THSD7B: variants seen among roughly 807,000 people sequenced by gnomAD.
The protein encoded by THSD7B is thrombospondin type-1 domain-containing protein 7B.
Under a neutral mutation model 213.6 loss-of-function variants are expected in THSD7B, and 138 were observed. The ratio of observed to expected loss-of-function variants is 0.65; its 90% CI spans 0.56 to 0.74. The LOEUF (loss-of-function observed/expected upper bound fraction) is 0.74, where lower values mean the gene tolerates loss of function less well. THSD7B is among the 30% of genes least tolerant of loss of function. The pLI, the probability that THSD7B is intolerant of heterozygous loss-of-function variation, is 0.00. For synonymous variants in THSD7B, 742 were observed against 687.0 expected (o/e 1.08, Z -1.25); for missense variants, 1,931 against 1,991.5 (o/e 0.97, Z 0.58).
rs962930369 is a variant in THSD7B, at chr2:137,035,176, C to T, written c.140-21244C>T. On this transcript the variant is annotated intron_variant, in intron 2 of 27. Coordinates refer to ENST00000409968, the MANE Select transcript of THSD7B (RefSeq NM_001316349.2). ...TTCCCTTTTTTTGGAAGTTGTGTGT[C>T]TCTTATCATTAGGCCATCTTTGTTA... Among the ~76,000 whole-genome samples, 9 of 152,260 alleles carry T rather than the reference C, an allele frequency of 5.9e-5. No individual in the cohort carries two copies. In the East Asian group the frequency reaches 1.7e-3, roughly 29 times the overall value.
At chr2:136,951,184 T>A (rs1172293639) in intron 2 of THSD7B, among the ~76,000 whole-genome samples, 3 of 152,124 alleles carry the variant, frequency 2.0e-5, no homozygotes, top group Non-Finnish European at 4.4e-5. Context: ...TACCTTGGGA[T>A]GAAGCATGCA....
intron 15 of THSD7B, among the ~76,000 whole-genome samples, chr2:137,514,817 TGTTTGGTG>T (rs1680036297): frequency 6.6e-6 from 1 of 152,170 alleles, no homozygotes; most frequent in Non-Finnish European, 1.5e-5. Flanking sequence ...AGAGTCAAGG[TGTTTGGTG>T]ACTCTAAACA....
intron 20 of THSD7B, among the ~76,000 whole-genome samples, chr2:137,633,147 A>G (rs528415394): frequency 3.3e-4 from 50 of 152,320 alleles, no homozygotes; most frequent in African/African-American, 1.2e-3. Flanking sequence ...ATTTAAAATA[A>G]ATTTTGCACT....
intron 4 of THSD7B, among the ~76,000 whole-genome samples, chr2:137,099,197 G>A (rs1205261264): frequency 6.6e-6 from 1 of 152,068 alleles, no homozygotes; most frequent in Non-Finnish European, 1.5e-5. Context: ...CTGTCACTGG[G>A]CATCATGATC....
intron 24 of THSD7B, among the ~76,000 whole-genome samples, chr2:137,657,864 G>A (rs777101158): frequency 1.3e-5 from 2 of 152,082 alleles, no homozygotes; most frequent in Admixed American, 6.5e-5. Context: ...GCAGGCACAC[G>A]CCACCACGCC....
intron 2 of THSD7B, among the ~76,000 whole-genome samples, chr2:136,904,517 G>T (rs1684122364): frequency 6.6e-6 from 1 of 152,192 alleles, no homozygotes. Flanking sequence ...TCTGTTATGG[G>T]CTAAGCGTCT....
intron 2 of THSD7B, among the ~76,000 whole-genome samples, chr2:136,976,461 A>T (rs1027516829): frequency 2.6e-5 from 4 of 152,022 alleles, no homozygotes; most frequent in Admixed American, 2.6e-4. Flanking sequence ...TGTTTATGTG[A>T]TGAGTTACAT....
chr2:137,434,409 T>C (rs908920741), intron 14 of THSD7B, among the ~76,000 whole-genome samples: 2 of 152,196 alleles, frequency 1.3e-5, no homozygotes, highest in Admixed American at 6.5e-5. Context: ...TAACAGTATG[T>C]TCATAAATTT....
intron 15 of THSD7B, among the ~76,000 whole-genome samples, chr2:137,527,214 G>T (rs1466498385): frequency 1.3e-5 from 2 of 152,134 alleles, no homozygotes; most frequent in Non-Finnish European, 2.9e-5. Context: ...AATTCAGTCA[G>T]TTGCAAAACA....
intron 2 of THSD7B, among the ~76,000 whole-genome samples, chr2:136,896,843 A>C (rs368176087): frequency 6.6e-5 from 10 of 152,228 alleles, no homozygotes; most frequent in Admixed American, 4.6e-4. Context: ...TTGAAAATCA[A>C]TTAAATGTAA....
intron 12 of THSD7B, among the ~76,000 whole-genome samples, chr2:137,351,622 G>A (rs982342993): frequency 1.3e-5 from 2 of 151,844 alleles, no homozygotes; most frequent in Admixed American, 6.6e-5. Flanking sequence ...AGAACAGTAC[G>A]AGCAAATTTT....
rs1687639279 is a variant in THSD7B, at chr2:137,450,997, T to C, written c.3112T>C (p.Cys1038Arg). 1 of 1,602,478 alleles carries C rather than the reference T, an allele frequency of 6.2e-7. No homozygotes were observed. Among genetic ancestry groups the C allele is most frequent in the African/African-American group, 1.3e-5 (1 of 74,598 alleles). Residue 1038 changes from cysteine to arginine, a missense_variant, in exon 15 of 28, where the codon TGT (cysteine) becomes CGT (arginine). By Grantham distance (180) the Cys-to-Arg change is radical. Coordinates refer to ENST00000409968, the MANE Select transcript of THSD7B (RefSeq NM_001316349.2). ...KEKPYNGGRP[C>R]PKLDLKNQVH... ...AAAACCTTACAATGGAGGACGACCA[T>C]GTCCCAAACTGGATCTCAAGAATCA...
intron 17 of THSD7B, 123 bp downstream of exon 17, chr2:137,572,679 C>G (rs1306499457): frequency 1.1e-5 from 13 of 1,218,062 alleles, no homozygotes; most frequent in Non-Finnish European, 1.4e-5. Context: ...TAATTTTTTT[C>G]TTTTTGAGAA....
chr2:137,324,519 C>CA (rs368496089), intron 12 of THSD7B, among the ~76,000 whole-genome samples: 99 of 150,230 alleles, frequency 6.6e-4, no homozygotes, highest in East Asian at 3.5e-3. Context: ...TGTGAAATAA[C>CA]AAAAAAAAAC....
chr2:136,771,208 T>C (rs1681499862), intron 1 of THSD7B, among the ~76,000 whole-genome samples: 1 of 152,176 alleles, frequency 6.6e-6, no homozygotes, highest in South Asian at 2.1e-4. Context: ...TTAAATATTG[T>C]TAGTAGGGCT....
intron 1 of THSD7B, among the ~76,000 whole-genome samples, chr2:136,854,184 G>GA (rs1186070326): frequency 1.3e-5 from 2 of 151,890 alleles, no homozygotes; most frequent in Non-Finnish European, 2.9e-5. Flanking sequence ...AGCTGGGGGG[G>GA]AATAAAATAC....
intron 10 of THSD7B, among the ~76,000 whole-genome samples, chr2:137,263,514 G>A (rs1204643586): frequency 6.6e-6 from 1 of 152,034 alleles, no homozygotes; most frequent in African/African-American, 2.4e-5. Flanking sequence ...ATTGAATTTG[G>A]CTTCTGTTGC....
In THSD7B at chr2:137,395,296, G is replaced by T. The variant is rs573910318; in HGVS notation, c.2501-10317G>T. ...CCCATTCAGTATGATATTGGCTGTG[G>T]GTTTGTCATAGATAGCTCTTATTAT... On this transcript the variant is annotated intron_variant, in intron 12 of 27. Transcript: ENST00000409968. Among the ~76,000 whole-genome samples, 91 of 147,564 alleles carry T rather than the reference G, an allele frequency of 6.2e-4. 1 individual carries two copies. The highest frequency in any genetic ancestry group is 2.1e-3 in the African/African-American group (85 of 39,992).
chr2:137,433,620 C>T (rs532836430), intron 14 of THSD7B, among the ~76,000 whole-genome samples: 1 of 152,236 alleles, frequency 6.6e-6, no homozygotes, highest in South Asian at 2.1e-4. Context: ...TGTGAAAGTG[C>T]CGGGATTACA....
Sources: gnomAD v4.1 joint callset for allele counts (sites outside exome capture counted in the v4.1 genomes callset) on GRCh38, gnomAD v4.1.1 for gene constraint, MANE v1.5 for transcripts, NCBI Gene and HGNC (gene_info 2026-07-23, HGNC 2026-07-21) for gene names.